SMC1B: variants seen among roughly 807,000 people sequenced by gnomAD.
The protein encoded by SMC1B is structural maintenance of chromosomes 1B, also known as structural maintenance of chromosomes protein 1B.
SMC1B carries 60 observed loss-of-function variants against 157.9 expected under a neutral mutation model. The observed-to-expected ratio is 0.38, with a 90% CI of 0.31 to 0.47. The LOEUF is 0.47. SMC1B is among the 20% of genes least tolerant of loss of function. SMC1B has a pLI of 0.99. For synonymous variants in SMC1B, 445 were observed against 483.0 expected (o/e 0.92, Z 1.03); for missense variants, 1,165 against 1,426.2 (o/e 0.82, Z 2.95).
At chr22:45,402,834 C>G (rs75461346) in intron 4 of SMC1B, among the ~76,000 whole-genome samples, 2,359 of 152,264 alleles carry the variant, frequency 0.015, 60 homozygotes, top group African/African-American at 0.052. Flanking sequence ...GCCTGGGTCC[C>G]TTTTGTCTGG....
intron 15 of SMC1B, among the ~76,000 whole-genome samples, chr22:45,366,221 G>A (rs1411462792): frequency 2.6e-5 from 4 of 152,000 alleles, no homozygotes; most frequent in South Asian, 4.2e-4. Context: ...ATGATGTTTC[G>A]CCATGTTGCC....
chr22:45,413,350 A>G, intron 1 of SMC1B, 109 bp downstream of exon 1: 3 of 817,520 alleles, frequency 3.7e-6, no homozygotes, highest in Non-Finnish European at 5.7e-6. Context: ...CTGGAAGGGG[A>G]AGGCCGGCCA....
chr22:45,401,605 CG>C (rs2087194669), intron 5 of SMC1B, among the ~76,000 whole-genome samples: 1 of 152,236 alleles, frequency 6.6e-6, no homozygotes, highest in Admixed American at 6.5e-5. Flanking sequence ...CGGTTCTTCA[CG>C]TGCTATGCAA....
At chr22:45,408,371 C>A (rs187335673) in intron 2 of SMC1B, among the ~76,000 whole-genome samples, 1 of 151,898 alleles carries the variant, frequency 6.6e-6, no homozygotes, top group Non-Finnish European at 1.5e-5. Context: ...GTGATCCGCC[C>A]GCCTCGGCCT....
intron 4 of SMC1B, 94 bp from the exon 5 acceptor site, chr22:45,402,665 G>A: frequency 1.2e-5 from 10 of 829,116 alleles, no homozygotes; most frequent in Non-Finnish European, 2.0e-5. Context: ...ATTAACTAAT[G>A]AATGTTTATT....
intron 4 of SMC1B, among the ~76,000 whole-genome samples, chr22:45,403,176 G>A (rs1326179965): frequency 6.6e-6 from 1 of 152,170 alleles, no homozygotes; most frequent in Admixed American, 6.5e-5. Flanking sequence ...TTAGGAAGTT[G>A]TTTCGTTCTA....
intron 20 of SMC1B, 62 bp from the exon 21 acceptor site, chr22:45,354,194 G>T: frequency 7.8e-7 from 1 of 1,281,212 alleles, no homozygotes. Context: ...TACTTAAACT[G>T]TAAAGCATAA....
At chr22:45,372,902 C>T (rs1054384836) in intron 12 of SMC1B, among the ~76,000 whole-genome samples, 17 of 151,894 alleles carry the variant, frequency 1.1e-4, no homozygotes, top group Non-Finnish European at 2.1e-4. Flanking sequence ...TTAGTAGAGA[C>T]GGGGGTTTCA....
At chr22:45,379,008 AGTCT>A (rs746596778) in intron 12 of SMC1B, among the ~76,000 whole-genome samples, 4 of 151,998 alleles carry the variant, frequency 2.6e-5, no homozygotes, top group Admixed American at 6.6e-5. Context: ...CTTTTGAGAC[AGTCT>A]TGCCTTGTTG....
chr22:45,377,848 T>C (rs1259512780), intron 12 of SMC1B, among the ~76,000 whole-genome samples: 1 of 151,740 alleles, frequency 6.6e-6, no homozygotes, highest in Non-Finnish European at 1.5e-5. Flanking sequence ...TTGTTCTAAT[T>C]GCTTTCCTTT....
At position 45,391,349 on chromosome 22, in the gene SMC1B, C is replaced by T. The variant is rs557832455; in HGVS notation, c.1546-1452G>A. On this transcript the variant is annotated intron_variant, in intron 9 of 24. Transcript: ENST00000357450. The stretch of plus-strand genomic sequence containing the variant: ...TTTTCCTTTTTATCTTATTGTTTTA[C>T]CTCATATTTGAATCTAGTTTTATAA... Among the ~76,000 whole-genome samples, 9 of 152,090 alleles carry T rather than the reference C, an allele frequency of 5.9e-5. No individual in the cohort carries two copies. The East Asian group carries it at 1.5e-3, about 26-fold the overall frequency.
chr22:45,349,873 G>T, intron 22 of SMC1B, 76 bp from the exon 23 acceptor site: 2 of 1,141,076 alleles, frequency 1.8e-6, no homozygotes, highest in Non-Finnish European at 1.3e-6. Flanking sequence ...AAGATTAACA[G>T]TATTCAGAAT....
intron 17 of SMC1B, 87 bp from the exon 18 acceptor site, chr22:45,360,045 G>A: frequency 1.0e-6 from 1 of 1,003,328 alleles, no homozygotes; most frequent in Non-Finnish European, 1.5e-6. Context: ...AAACTTTTAT[G>A]AAAAAAGAAT....
chr22:45,346,997 C>T (rs888879708), intron 23 of SMC1B, among the ~76,000 whole-genome samples: 1 of 152,190 alleles, frequency 6.6e-6, no homozygotes, highest in Non-Finnish European at 1.5e-5. Flanking sequence ...ATGCAAACAT[C>T]TAATTTTTCC....
chr22:45,344,791 T>C (rs1482378224), intron 24 of SMC1B, 134 bp from the exon 25 acceptor site: 9 of 556,352 alleles, frequency 1.6e-5, no homozygotes, highest in East Asian at 6.1e-5. Context: ...TGCATTTATA[T>C]TGGTTGTGGG....
chr22:45,364,868 C>T lies in SMC1B; in HGVS notation c.2421-1842G>A, dbSNP rs543314737. On this transcript the variant is annotated intron_variant, in intron 15 of 24. Coordinates refer to ENST00000357450, the MANE Select transcript of SMC1B (RefSeq NM_148674.5). ...TTTTTTTTTTTTTGAGATGGAGTCT[C>T]GCTCTGTTGCCCAGGCTGGAGAGCA... Among the ~76,000 whole-genome samples the T allele has an allele frequency of 1.8e-3, 242 of 131,204 alleles. 5 individuals carry two copies. In the Admixed American group the frequency reaches 0.019, roughly 11 times the overall value. The allele number at this position is 131,204 out of a possible 152,430, so 86.1% of individuals were successfully genotyped here.
intron 2 of SMC1B, 145 bp downstream of exon 2, chr22:45,408,565 T>C (rs2087291236): frequency 5.6e-6 from 3 of 533,890 alleles, no homozygotes; most frequent in Non-Finnish European, 6.5e-6. Flanking sequence ...TGTTACTTGC[T>C]TCTGAGATAT....
chr22:45,348,179 C>A (rs992357175), intron 23 of SMC1B, among the ~76,000 whole-genome samples: 4 of 152,194 alleles, frequency 2.6e-5, no homozygotes, highest in African/African-American at 9.7e-5. Flanking sequence ...TGAAACTGTT[C>A]CTTAGTTCTC....
chr22:45,381,015 C>T lies in SMC1B; in HGVS notation c.2058+2452G>A, dbSNP rs367921296. On this transcript the variant is annotated intron_variant, in intron 12 of 24. Transcript: ENST00000357450. ...TTCATCCTGTTGGCCAGGCTGGTCT[C>T]GAACTCCTGACCTCAGGTGATCCAC... Among the ~76,000 whole-genome samples, 11 of 148,840 alleles carry T rather than the reference C, an allele frequency of 7.4e-5. No homozygotes were observed. In the South Asian group the frequency reaches 1.7e-3, roughly 23 times the overall value.
Sources: gnomAD v4.1 joint callset for allele counts (sites outside exome capture counted in the v4.1 genomes callset) on GRCh38, gnomAD v4.1.1 for gene constraint, MANE v1.5 for transcripts, NCBI Gene and HGNC (gene_info 2026-07-23, HGNC 2026-07-21) for gene names.